Variants in FNBP1L observed in about 807,000 individuals in gnomAD.
FNBP1L encodes the protein formin binding protein 1 like.
FNBP1L carries 36 observed loss-of-function variants against 91.2 expected under a neutral mutation model. That is an observed-to-expected ratio of 0.39 (90% confidence interval 0.30 to 0.52). FNBP1L has a LOEUF of 0.52. FNBP1L is among the 20% of genes least tolerant of loss of function. FNBP1L has a pLI of 0.66. For synonymous variants in FNBP1L, 242 were observed against 237.0 expected (o/e 1.02, Z -0.19); for missense variants, 571 against 732.1 (o/e 0.78, Z 2.54).
chr1:93,546,819 C>A (rs775529139), intron 12 of FNBP1L, 23 bp from the exon 13 acceptor site: 1 of 1,609,286 alleles, frequency 6.2e-7, no homozygotes, highest in Admixed American at 1.7e-5. Context: ...ATATTTAATT[C>A]TGGGGTTCCT....
chr1:93,539,099 G>A (rs1174804799), intron 10 of FNBP1L, among the ~76,000 whole-genome samples: 1 of 151,800 alleles, frequency 6.6e-6, no homozygotes, highest in Non-Finnish European at 1.5e-5. Context: ...GAGTTTTATT[G>A]GATACTGTTT....
intron 2 of FNBP1L, among the ~76,000 whole-genome samples, chr1:93,507,287 C>CTA (rs1194310047): frequency 6.7e-6 from 1 of 150,066 alleles, no homozygotes; most frequent in Non-Finnish European, 1.5e-5. Flanking sequence ...TGACAACATA[C>CTA]TAAAAACATG....
At chr1:93,482,789 G>A (rs1454920997) in intron 1 of FNBP1L, among the ~76,000 whole-genome samples, 1 of 152,100 alleles carries the variant, frequency 6.6e-6, no homozygotes, top group East Asian at 1.9e-4. Flanking sequence ...GGAGGCCGAG[G>A]TGGGTGGATC....
intron 16 of FNBP1L, chr1:93,552,042 G>T: frequency 9.7e-7 from 1 of 1,028,456 alleles, no homozygotes; most frequent in South Asian, 4.6e-5. Context: ...TGACTATCTG[G>T]GTTAGAGGAA....
intron 2 of FNBP1L, among the ~76,000 whole-genome samples, chr1:93,511,443 C>G (rs1324873588): frequency 6.6e-6 from 1 of 152,146 alleles, no homozygotes; most frequent in Non-Finnish European, 1.5e-5. Flanking sequence ...CCTAAAAGAG[C>G]TCCTGAAGGA....
At chr1:93,481,507 A>G (rs1669702525) in intron 1 of FNBP1L, among the ~76,000 whole-genome samples, 1 of 152,198 alleles carries the variant, frequency 6.6e-6, no homozygotes, top group African/African-American at 2.4e-5. Flanking sequence ...GGGATAAAAT[A>G]ATAATAATCA....
intron 1 of FNBP1L, among the ~76,000 whole-genome samples, chr1:93,452,949 A>G (rs1668542872): frequency 6.6e-6 from 1 of 152,150 alleles, no homozygotes; most frequent in Admixed American, 6.5e-5. Context: ...GCCCTGACAA[A>G]AGGTAGAGTT....
At chr1:93,448,520 C>G (rs1668350707) in intron 1 of FNBP1L, among the ~76,000 whole-genome samples, 1 of 152,304 alleles carries the variant, frequency 6.6e-6, no homozygotes, top group East Asian at 1.9e-4. Context: ...CCGCCTTTGC[C>G]GCCGTGGTGC....
chr1:93,469,616 GA>G (rs1669214085), intron 1 of FNBP1L, among the ~76,000 whole-genome samples: 1 of 152,104 alleles, frequency 6.6e-6, no homozygotes, highest in African/African-American at 2.4e-5. Context: ...TTTTAAGTAT[GA>G]ATGTTCACCA....
At chr1:93,498,258 G>T (rs529362217) in intron 1 of FNBP1L, among the ~76,000 whole-genome samples, 37 of 152,206 alleles carry the variant, frequency 2.4e-4, no homozygotes, top group Non-Finnish European at 5.4e-4. Flanking sequence ...CAGCTTTGAA[G>T]TGTTGTTGTT....
At chr1:93,506,538 A>G (rs986566823) in intron 2 of FNBP1L, among the ~76,000 whole-genome samples, 3 of 109,456 alleles carry the variant, frequency 2.7e-5, no homozygotes, top group Non-Finnish European at 2.4e-5. Context: ...GAAAAGGGGT[A>G]CTAGTCAGTG....
intron 1 of FNBP1L, among the ~76,000 whole-genome samples, chr1:93,498,502 A>G (rs1004979013): frequency 1.3e-5 from 2 of 152,210 alleles, no homozygotes; most frequent in African/African-American, 2.4e-5. Context: ...GGTTTAAGGT[A>G]GAGAAAGAGA....
At chr1:93,548,557 T>G (rs1281127088) in intron 14 of FNBP1L, among the ~76,000 whole-genome samples, 1 of 152,218 alleles carries the variant, frequency 6.6e-6, no homozygotes, top group Non-Finnish European at 1.5e-5. Flanking sequence ...TTACCCATGC[T>G]GGCTTAAACT....
chr1:93,448,320 G>A lies in FNBP1L; in HGVS notation c.24+15G>A. 1 of 1,505,882 alleles carries A rather than the reference G, an allele frequency of 6.6e-7. No individual in the cohort carries two copies. Among genetic ancestry groups the A allele is most frequent in the Non-Finnish European group, 8.9e-7 (1 of 1,128,740 alleles). The allele number at this position is 1,505,882 out of a possible 1,614,324, so 93.3% of individuals were successfully genotyped here. ...CGGAGCTGTGGGTGAGTCGGGGAGA[G>A]GGGCGCCCCGCACGGACCCCGGCCC... On this transcript the variant is annotated intron_variant, in intron 1 of 16. Coordinates refer to ENST00000271234, the MANE Select transcript of FNBP1L (RefSeq NM_001164473.3).
chr1:93,493,736 T>TA (rs1421600567), intron 1 of FNBP1L, among the ~76,000 whole-genome samples: 3 of 152,240 alleles, frequency 2.0e-5, no homozygotes, highest in Non-Finnish European at 4.4e-5. Context: ...ATTGTATTTA[T>TA]ATACCACATT....
intron 6 of FNBP1L, 129 bp from the exon 7 acceptor site, chr1:93,530,626 C>A (rs1214060803): frequency 9.9e-6 from 9 of 909,734 alleles, no homozygotes; most frequent in Admixed American, 3.1e-5. Context: ...AAAGTTATGC[C>A]ACGTCATTAT....
intron 1 of FNBP1L, among the ~76,000 whole-genome samples, chr1:93,466,139 C>T (rs919887223): frequency 6.6e-5 from 10 of 151,990 alleles, no homozygotes; most frequent in South Asian, 2.1e-4. Flanking sequence ...AATTTTCTCC[C>T]GTTCTGTAGG....
chr1:93,450,876 A>T (rs1195078706), intron 1 of FNBP1L, among the ~76,000 whole-genome samples: 1 of 152,156 alleles, frequency 6.6e-6, no homozygotes, highest in Non-Finnish European at 1.5e-5. Flanking sequence ...GTTAAATTTG[A>T]GAAAAAAAGG....
intron 2 of FNBP1L, among the ~76,000 whole-genome samples, chr1:93,515,155 C>G (rs1452712968): frequency 6.6e-6 from 1 of 152,150 alleles, no homozygotes; most frequent in Admixed American, 6.5e-5. Context: ...CCAAAAAACA[C>G]ATGAAAAAAT....
Sources: allele counts gnomAD v4.1 joint callset (sites outside exome capture counted in the v4.1 genomes callset), GRCh38; gene constraint gnomAD v4.1.1; transcripts MANE v1.5; gene names NCBI Gene and HGNC (gene_info 2026-07-23, HGNC 2026-07-21).